Variants in VPS13D observed in about 807,000 individuals in gnomAD.
VPS13D encodes the protein intermembrane lipid transfer protein VPS13D.
A neutral mutation model predicts 461.9 loss-of-function variants in VPS13D; 187 were observed. That is an observed-to-expected ratio of 0.40 (90% CI 0.36 to 0.46). The LOEUF (loss-of-function observed/expected upper bound fraction) is 0.46. Among genes scored for constraint, VPS13D ranks in the 20% least tolerant of loss-of-function variants. The probability of loss-of-function intolerance (pLI) is 0.60; values close to 1 mark genes in which losing one functional copy is unlikely to be tolerated. For synonymous variants in VPS13D, 1,951 were observed against 1,986.3 expected, an observed-to-expected ratio of 0.98 and a Z score of 0.47; for missense variants, 4,711 against 5,364.9, an observed-to-expected ratio of 0.88 and a Z score of 3.81.
intron 25 of VPS13D, among the ~76,000 whole-genome samples, chr1:12,301,217 G>A (rs1642415602): frequency 6.6e-6 from 1 of 152,174 alleles, no homozygotes; most frequent in Non-Finnish European, 1.5e-5. Flanking sequence ...TTCCGACTGT[G>A]CAGATACCAA....
chr1:12,276,294 C>A lies in VPS13D; in HGVS notation c.2706C>A (p.Thr902=), dbSNP rs1400291524. 1.2e-6 allele frequency: 2 copies of A among 1,614,114 alleles called. No individual in the cohort carries two copies. Among genetic ancestry groups the A allele is most frequent in the Admixed American group, 3.3e-5 (2 of 60,018 alleles). The part of the protein sequence containing the change: ...SALKNCFALL[T]TPEMKTSDTQ... ...TAAAGAATTGCTTTGCTCTCCTCAC[C>A]ACCCCAGAAATGAAAACTTCTGACA... is the stretch of plus-strand genomic sequence containing the variant. The change falls in exon 19 of 70, where the codon ACC becomes ACA. Residue 902 remains threonine, a synonymous_variant. Coordinates refer to ENST00000620676, the MANE Select transcript of VPS13D (RefSeq NM_015378.4). The surrounding 1 kb of genome is among the most constrained non-coding windows in gnomAD (Gnocchi z 4.5).
chr1:12,398,354 C>CT (rs1354405542), intron 60 of VPS13D, among the ~76,000 whole-genome samples: 2 of 150,922 alleles, frequency 1.3e-5, no homozygotes, highest in African/African-American at 2.4e-5. Context: ...AGTAGTTTAA[C>CT]TTTTTTTTCT....
At chr1:12,300,791 A>G (rs1263088558) in intron 25 of VPS13D, among the ~76,000 whole-genome samples, 2 of 152,074 alleles carry the variant, frequency 1.3e-5, no homozygotes, top group Non-Finnish European at 2.9e-5. Flanking sequence ...GTCCCCCTTC[A>G]TCCATTTTTG....
Position 12,273,122 on chromosome 1 carries a change from G to C in VPS13D, c.2223G>C (p.Leu741Phe). ...LVVVDLGRML[L>F]TNTQDNSRRK... The stretch of plus-strand genomic sequence containing the variant: ...TCGTGGATCTAGGAAGAATGCTTTT[G>C]ACGAACACCCAAGGTATAGTGTGAG... The change falls in exon 18 of 70, where the codon TTG becomes TTC. Residue 741 changes from leucine (L) to phenylalanine (F), a missense_variant. By Grantham distance (22) the Leu-to-Phe change is conservative. Around this residue, in one of 3 missense-constraint regions of VPS13D, gnomAD observed 4,411 missense variants for 4,937.8 expected, o/e 0.89. Transcript: ENST00000620676. The C allele has an allele frequency of 6.2e-7, 1 of 1,614,016 alleles. No individual in the cohort carries two copies. Among genetic ancestry groups the C allele is most frequent in the Non-Finnish European group, 8.5e-7 (1 of 1,179,946 alleles).
intron 40 of VPS13D, among the ~76,000 whole-genome samples, chr1:12,340,721 C>CT (rs1225517170): frequency 6.6e-6 from 1 of 152,236 alleles, no homozygotes; most frequent in Non-Finnish European, 1.5e-5. Flanking sequence ...CTTTCTCACG[C>CT]TGTCTTCCTA....
At position 12,511,948 on chromosome 1, in the gene VPS13D, T is replaced by G. The variant is rs1031425929; in HGVS notation, c.*2924T>G. The G allele has an allele frequency of 1.3e-5, 2 of 152,214 alleles. No individual in the cohort carries two copies. The highest frequency in any genetic ancestry group is 4.8e-5 in the African/African-American group (2 of 41,458). The allele number at this position is 152,214 out of a possible 1,614,324, so 9.4% of individuals were successfully genotyped here. On this transcript the variant is annotated 3_prime_UTR_variant, in exon 70 of 70. Transcript: ENST00000620676. The surrounding 1 kb of genome is among the most constrained non-coding windows in gnomAD (Gnocchi z 4.5). ...ATCTGGTTCTCTATTATGTAAACAC[T>G]ATTACAGTCACCAGTGTGTGAAGAC...
chr1:12,275,874 G>A lies in VPS13D; in HGVS notation c.2286G>A (p.Gln762=). 1 of 1,613,452 alleles carries A rather than the reference G, an allele frequency of 6.2e-7. No individual in the cohort carries two copies. The highest frequency in any genetic ancestry group is 8.5e-7 in the Non-Finnish European group (1 of 1,179,798). ...SRDGSASEET[Q]FSDDEYKTPL... ...ATGGGTCAGCATCTGAAGAGACCCA[G>A]TTTAGTGATGATGAATATAAGACCC... The change falls in exon 19 of 70, where the codon CAG becomes CAA. Residue 762 remains glutamine (Q), a synonymous_variant. Coordinates refer to ENST00000620676, the MANE Select transcript of VPS13D (RefSeq NM_015378.4).
chr1:12,352,217 G>T (rs1569979484), intron 46 of VPS13D, among the ~76,000 whole-genome samples: 1 of 151,944 alleles, frequency 6.6e-6, no homozygotes, highest in East Asian at 1.9e-4. Context: ...CTTGAATCTG[G>T]GAGGCAGAGG....
chr1:12,442,692 G>A lies in VPS13D; in HGVS notation c.12334-13306G>A, dbSNP rs1003831713. On this transcript the variant is annotated intron_variant, in intron 65 of 69. Coordinates refer to ENST00000620676, the MANE Select transcript of VPS13D (RefSeq NM_015378.4). Reference sequence around the variant, plus strand: ...CTCACTGCAGCCTTTACGTCTCCTGGGCTTAAGCCATCCTCCCACCTCAGC... The same window carrying A: ...CTCACTGCAGCCTTTACGTCTCCTGAGCTTAAGCCATCCTCCCACCTCAGC... 4.6e-5 allele frequency among the ~76,000 whole-genome samples: 7 copies of A among 151,530 alleles called. No homozygotes were observed. The East Asian group carries it at 1.2e-3, about 25-fold the overall frequency.
intron 55 of VPS13D, among the ~76,000 whole-genome samples, chr1:12,376,491 T>C (rs1395070565): frequency 6.6e-6 from 1 of 152,234 alleles, no homozygotes; most frequent in Non-Finnish European, 1.5e-5. Context: ...CATGTACTAA[T>C]AAGCGTGTTA....
intron 67 of VPS13D, among the ~76,000 whole-genome samples, chr1:12,469,002 C>A (rs1017356437): frequency 6.6e-6 from 1 of 151,476 alleles, no homozygotes; most frequent in African/African-American, 2.4e-5. Flanking sequence ...CCACTGCACT[C>A]CAGCCTGGGT....
At chr1:12,432,091 G>T (rs960438601) in intron 65 of VPS13D, among the ~76,000 whole-genome samples, 3 of 152,012 alleles carry the variant, frequency 2.0e-5, no homozygotes, top group Admixed American at 6.6e-5. Context: ...CTTTCTAAAG[G>T]CTGTGTGAAA....
At chr1:12,290,528 CT>C (rs1478475272) in intron 22 of VPS13D, among the ~76,000 whole-genome samples, 1 of 152,094 alleles carries the variant, frequency 6.6e-6, no homozygotes, top group African/African-American at 2.4e-5. Flanking sequence ...CGAGACCATC[CT>C]GGCTAACACG....
Position 12,311,560 on chromosome 1 carries a change from A to G in VPS13D, c.6757A>G (p.Asn2253Asp). The G allele has an allele frequency of 6.2e-7, 1 of 1,614,148 alleles. No homozygotes were observed. Among genetic ancestry groups the G allele is most frequent in the Non-Finnish European group, 8.5e-7 (1 of 1,180,032 alleles). ...KYKLIRGLLE[N>D]NLGEPIEEFM... ...CAAGCTGATCCGCGGCTTATTAGAG[A>G]ACAACCTGGGAGAACCCATAGAGGA... Residue 2253 changes from asparagine (N) to aspartate (D), a missense_variant, in exon 28 of 70, where the codon AAC (asparagine) becomes GAC (aspartate). By Grantham distance (23) the Asn-to-Asp change is conservative. Transcript: ENST00000620676.
At chr1:12,430,683 G>A (rs564128119) in intron 65 of VPS13D, among the ~76,000 whole-genome samples, 1 of 152,336 alleles carries the variant, frequency 6.6e-6, no homozygotes, top group East Asian at 1.9e-4. Context: ...TCAGAGGAGA[G>A]CCAGAGGAGC....
intron 60 of VPS13D, among the ~76,000 whole-genome samples, chr1:12,399,775 C>T (rs1242241524): frequency 6.6e-6 from 1 of 150,696 alleles, no homozygotes; most frequent in Non-Finnish European, 1.5e-5. Context: ...GCCAAGATTC[C>T]GCCACTGCAC....
In VPS13D at chr1:12,234,347, A is replaced by T; in HGVS notation, c.81A>T (p.Ser27=). The T allele has an allele frequency of 6.2e-7, 1 of 1,613,752 alleles. No individual in the cohort carries two copies. Among genetic ancestry groups the T allele is most frequent in the South Asian group, 1.1e-5 (1 of 91,072 alleles). Residue 27 remains serine (S), a synonymous_variant, in exon 2 of 70, where the codon TCA becomes TCT. Coordinates refer to ENST00000620676, the MANE Select transcript of VPS13D (RefSeq NM_015378.4). ...YVNNLNTDQL[S]VALLKGAVEL... ...ATAACCTGAACACTGACCAGCTCTCAGTTGCACTTCTCAAAGGTGAGTATT... is the reference window on the plus strand; with the variant it reads ...ATAACCTGAACACTGACCAGCTCTCTGTTGCACTTCTCAAAGGTGAGTATT...
intron 64 of VPS13D, 66 bp downstream of exon 64, chr1:12,415,287 A>G: frequency 6.2e-7 from 1 of 1,605,884 alleles, no homozygotes; most frequent in Non-Finnish European, 8.5e-7. Flanking sequence ...TTGTTTGGGA[A>G]TTTTGGTTAC....
chr1:12,256,641 A>G (rs1288847501), intron 8 of VPS13D, 138 bp downstream of exon 8: 5 of 965,676 alleles, frequency 5.2e-6, no homozygotes, highest in Non-Finnish European at 6.0e-6. Context: ...TGTGTTAGGT[A>G]TAAAACTCAC....
Sources: gnomAD v4.1 joint callset for allele counts (sites outside exome capture counted in the v4.1 genomes callset) on GRCh38, gnomAD v4.1.1 for gene constraint, gnomAD v4.1.1 regional missense constraint, Gnocchi (gnomAD v3.1) non-coding constraint, MANE v1.5 for transcripts, NCBI Gene and HGNC (gene_info 2026-07-23, HGNC 2026-07-21) for gene names.